ZNF157: variants seen among roughly 807,000 people sequenced by gnomAD.
ZNF157 encodes the protein zinc finger protein 22.
ZNF157 carries 8 observed loss-of-function variants against 9.4 expected under a neutral mutation model. The observed-to-expected ratio is 0.85, with a 90% CI of 0.50 to 1.53. The LOEUF (loss-of-function observed/expected upper bound fraction) is 1.53, where lower values mean the gene tolerates loss of function less well. Among genes scored for constraint, ZNF157 ranks in the 40% most tolerant of loss-of-function variants. ZNF157 has a pLI of 0.00. For synonymous variants in ZNF157, 120 were observed against 130.8 expected, an observed-to-expected ratio of 0.92 and a Z score of 0.56; for missense variants, 316 against 385.2, an observed-to-expected ratio of 0.82 and a Z score of 1.50.
At chrX:47,405,976 T>A (rs951548768) in intron 1 of ZNF157, among the ~76,000 whole-genome samples, 1 of 105,875 alleles carries the variant, frequency 9.4e-6, no homozygotes, top group African/African-American at 3.4e-5. Context: ...ATACCCAATG[T>A]GTAGTCTTTT....
At chrX:47,380,761 T>A (rs2055859110) in intron 1 of ZNF157, among the ~76,000 whole-genome samples, 1 of 91,330 alleles carries the variant, frequency 1.1e-5, no homozygotes, top group Admixed American at 1.2e-4. Context: ...TTCTTTTTTA[T>A]TATTATTTTT....
At chrX:47,385,239 A>G (rs2055876088) in intron 1 of ZNF157, among the ~76,000 whole-genome samples, 1 of 112,051 alleles carries the variant, frequency 8.9e-6, no homozygotes, top group South Asian at 3.6e-4. Flanking sequence ...TGAAGATTTA[A>G]TTAAATAATA....
At chrX:47,373,408 G>A (rs2055834452) in intron 1 of ZNF157, among the ~76,000 whole-genome samples, 1 of 111,045 alleles carries the variant, frequency 9.0e-6, no homozygotes, top group Non-Finnish European at 1.9e-5. Flanking sequence ...AACTGACTTC[G>A]AGGAAATGAA....
intron 1 of ZNF157, 83 bp downstream of exon 1, chrX:47,370,823 G>A (rs2055826614): frequency 2.2e-6 from 2 of 896,266 alleles, no homozygotes; most frequent in Non-Finnish European, 1.5e-6. Context: ...TGAGATAATT[G>A]TAGATTCAAA....
intron 1 of ZNF157, among the ~76,000 whole-genome samples, chrX:47,385,544 CGTGTGTGT>C (rs10687283): frequency 0.03 from 2,739 of 90,331 alleles, 108 homozygotes; most frequent in African/African-American, 0.1. Context: ...TAAGCGATTC[CGTGTGTGT>C]GTGTGTGTGT....
chrX:47,406,373 TC>T (rs2055947143), intron 1 of ZNF157, among the ~76,000 whole-genome samples: 2 of 110,498 alleles, frequency 1.8e-5, no homozygotes, highest in African/African-American at 6.6e-5. Context: ...TCTCTCTCTC[TC>T]TCTCTTTTTC....
chrX:47,379,322 C>G (rs1044013296), intron 1 of ZNF157, among the ~76,000 whole-genome samples: 2 of 110,357 alleles, frequency 1.8e-5, no homozygotes, highest in Non-Finnish European at 3.8e-5. Flanking sequence ...CATCACCAAA[C>G]CCAAGGTTAC....
At chrX:47,400,034 T>C (rs1246001300) in intron 1 of ZNF157, among the ~76,000 whole-genome samples, 45 of 99,622 alleles carry the variant, frequency 4.5e-4, no homozygotes, top group African/African-American at 1.5e-3. Flanking sequence ...TCTTGCTCTG[T>C]CACCCAGGCT....
chrX:47,412,420 G>T lies in ZNF157; in HGVS notation c.347G>T (p.Arg116Met), dbSNP rs754578233. ...GNGSVGDNAL[R>M]HDNDLLHHQK... is the part of the protein sequence containing the mutation. ...GGTTCTGTTGGGGATAATGCCCTCA[G>T]GCATGATAATGACCTTCTTCACCAT... Residue 116 changes from arginine to methionine, a missense_variant, in exon 4 of 4, where the codon AGG (arginine) becomes ATG (methionine). By Grantham distance (91) the Arg-to-Met change is moderately conservative. Around this residue, in one of 3 missense-constraint regions of ZNF157, gnomAD observed 146 missense variants for 183.8 expected, o/e 0.79. Transcript: ENST00000377073. The T allele has an allele frequency of 5.8e-6, 7 of 1,211,006 alleles. No individual in the cohort carries two copies. The Admixed American group carries it at 1.5e-4, about 26-fold the overall frequency.
At chrX:47,384,189 G>A (rs934970430) in intron 1 of ZNF157, among the ~76,000 whole-genome samples, 4 of 110,292 alleles carry the variant, frequency 3.6e-5, no homozygotes, top group Admixed American at 2.9e-4. Flanking sequence ...GCAGTGAGCC[G>A]AGATCGCGCC....
intron 1 of ZNF157, among the ~76,000 whole-genome samples, chrX:47,379,241 C>T (rs377125536): frequency 3.6e-5 from 4 of 109,652 alleles, no homozygotes; most frequent in South Asian, 7.9e-4. Context: ...GATCCACCCA[C>T]CTCAGCCTCC....
At chrX:47,403,752 ATTAC>A (rs778093172) in intron 1 of ZNF157, among the ~76,000 whole-genome samples, 4 of 112,509 alleles carry the variant, frequency 3.6e-5, no homozygotes, top group Non-Finnish European at 5.6e-5. Flanking sequence ...AGAGTTTAGA[ATTAC>A]TTGACAAGGA....
At chrX:47,392,942 G>A (rs2055901458) in intron 1 of ZNF157, among the ~76,000 whole-genome samples, 1 of 111,135 alleles carries the variant, frequency 9.0e-6, no homozygotes, top group South Asian at 3.8e-4. Flanking sequence ...GATCTCTGAG[G>A]TCAGGAGTTC....
chrX:47,386,962 C>CTT (rs1209611244), intron 1 of ZNF157, among the ~76,000 whole-genome samples: 38 of 110,103 alleles, frequency 3.5e-4, no homozygotes, highest in African/African-American at 1.1e-3. Context: ...ACTTTGCAGT[C>CTT]TTTTTTTTGT....
At chrX:47,398,171 C>T (rs750416303) in intron 1 of ZNF157, among the ~76,000 whole-genome samples, 4 of 110,599 alleles carry the variant, frequency 3.6e-5, no homozygotes, top group African/African-American at 1.3e-4. Flanking sequence ...ATTCCTGGAC[C>T]TGTGAATCCT....
chrX:47,394,239 G>A (rs1260534534), intron 1 of ZNF157, among the ~76,000 whole-genome samples: 1 of 111,427 alleles, frequency 9.0e-6, no homozygotes, highest in East Asian at 2.8e-4. Context: ...TGGGATTACA[G>A]GCGTGAGCCA....
intron 1 of ZNF157, among the ~76,000 whole-genome samples, chrX:47,408,547 T>C (rs964678495): frequency 4.5e-5 from 5 of 111,288 alleles, no homozygotes; most frequent in Admixed American, 9.7e-5. Flanking sequence ...CTCAAGTAGC[T>C]GGGATTATAG....
intron 1 of ZNF157, among the ~76,000 whole-genome samples, chrX:47,378,817 G>A (rs1002430484): frequency 1.8e-5 from 2 of 111,028 alleles, no homozygotes; most frequent in Admixed American, 9.7e-5. Context: ...CAGCCTGGGC[G>A]ACGGTGCCAG....
At chrX:47,388,279 G>T (rs1367052000) in intron 1 of ZNF157, among the ~76,000 whole-genome samples, 1 of 109,285 alleles carries the variant, frequency 9.2e-6, no homozygotes, top group Admixed American at 1.0e-4. Flanking sequence ...GTAGAGATGA[G>T]GTCTATGTTG....
Sources: allele counts gnomAD v4.1 joint callset (sites outside exome capture counted in the v4.1 genomes callset), GRCh38; gene constraint gnomAD v4.1.1; regional missense constraint gnomAD v4.1.1; transcripts MANE v1.5; gene names NCBI Gene and HGNC (gene_info 2026-07-23, HGNC 2026-07-21).